DMGDH: variants seen among roughly 807,000 people sequenced by gnomAD.
The protein encoded by DMGDH is dimethylglycine dehydrogenase.
A neutral mutation model predicts 95.2 loss-of-function variants in DMGDH; 76 were observed. That is an observed-to-expected ratio of 0.80 (90% CI 0.66 to 0.97). DMGDH has a LOEUF of 0.97. Ranked by LOEUF, DMGDH falls within the 50% of genes least tolerant of loss-of-function variation. The probability of loss-of-function intolerance (pLI) is 0.00; values close to 1 mark genes in which losing one functional copy is unlikely to be tolerated. For synonymous variants in DMGDH, 345 were observed against 377.6 expected (o/e 0.91, Z 1.00); for missense variants, 987 against 1,055.0 (o/e 0.94, Z 0.89).
intron 2 of DMGDH, among the ~76,000 whole-genome samples, chr5:79,063,011 G>A (rs992543594): frequency 6.6e-6 from 1 of 152,090 alleles, no homozygotes; most frequent in African/African-American, 2.4e-5. Flanking sequence ...AGAATCGCTT[G>A]AACCTGGGAG....
chr5:79,054,465 G>T (rs1302127029), intron 3 of DMGDH, 117 bp from the exon 4 acceptor site: 2 of 1,009,940 alleles, frequency 2.0e-6, no homozygotes, highest in African/African-American at 1.6e-5. Context: ...ACGAGTGAAA[G>T]AAATAACTAT....
At chr5:79,045,797 A>G (rs1754655414) in intron 5 of DMGDH, among the ~76,000 whole-genome samples, 1 of 152,172 alleles carries the variant, frequency 6.6e-6, no homozygotes, top group Non-Finnish European at 1.5e-5. Context: ...TTCTGAATCT[A>G]ATAAGGAGTT....
In DMGDH at chr5:79,055,863, T is replaced by G; in HGVS notation, c.322A>C (p.Ile108Leu). The G allele has an allele frequency of 1.9e-6, 3 of 1,612,752 alleles. No homozygotes were observed. Among genetic ancestry groups the G allele is most frequent in the Non-Finnish European group, 2.5e-6 (3 of 1,178,828 alleles). Residue 108 changes from isoleucine to leucine, a missense_variant, in exon 3 of 16, where the codon ATA becomes CTA. By Grantham distance (5) the Ile-to-Leu change is conservative. Transcript: ENST00000255189. ...TAAAGTTTGATGCTATCATAATGTATTTTCTTCAAGTTTATTCCAGGATGA... is the reference window on the plus strand; with the variant it reads ...TAAAGTTTGATGCTATCATAATGTAGTTTCTTCAAGTTTATTCCAGGATGA... Reference protein sequence around the residue: ...YFHPGINLKKIHYDSIKLYEK... With the variant: ...YFHPGINLKKLHYDSIKLYEK...
In DMGDH at chr5:78,998,237, C is replaced by T. The variant is rs143159411; in HGVS notation, c.2446G>A (p.Ala816Thr). Residue 816 changes from alanine (A) to threonine (T), a missense_variant, in exon 16 of 16, where the codon GCA becomes ACA. By Grantham distance (58) the Ala-to-Thr change is moderately conservative. Transcript: ENST00000255189. ...TCACTTAGTTGTACAGGGACATATG[C>T]GAAAGCCAGACTCTTCTGGATGCTG... ...SYSIQKSLAF[A>T]YVPVQLSEVG... 1.7e-5 allele frequency: 28 copies of T among 1,613,998 alleles called. No individual in the cohort carries two copies. The highest frequency in any genetic ancestry group is 2.1e-5 in the Non-Finnish European group (25 of 1,180,018).
intron 13 of DMGDH, among the ~76,000 whole-genome samples, chr5:79,025,544 A>G (rs1753976312): frequency 6.6e-6 from 1 of 152,184 alleles, no homozygotes; most frequent in African/African-American, 2.4e-5. Flanking sequence ...GACTCTCTCT[A>G]CTATCTATGA....
intron 15 of DMGDH, among the ~76,000 whole-genome samples, chr5:79,004,204 T>C (rs74997358): frequency 0.069 from 10,534 of 152,138 alleles, 389 homozygotes; most frequent in Non-Finnish European, 0.077. Context: ...ATCTGACAGG[T>C]GTGCTGCAAA....
At chr5:79,018,559 ACC>A (rs1342662096) in intron 14 of DMGDH, among the ~76,000 whole-genome samples, 1 of 151,772 alleles carries the variant, frequency 6.6e-6, no homozygotes, top group East Asian at 1.9e-4. Flanking sequence ...GGGCATGGAC[ACC>A]CCGGGGATGA....
rs1173061228 is a variant in DMGDH, at chr5:79,069,482, C to T, written c.101+38G>A. On this transcript the variant is annotated intron_variant, in intron 1 of 15. Coordinates refer to ENST00000255189, the MANE Select transcript of DMGDH (RefSeq NM_013391.3). ...AGCCTCTGGCTCCCACCCCCGCAGC[C>T]GCCCCGTCGCCTCTGAGCAGGACGG... 6 of 1,213,776 alleles carry T rather than the reference C, an allele frequency of 4.9e-6. No homozygotes were observed. The African/African-American group carries it at 6.3e-5, about 13-fold the overall frequency. 75.2% of individuals were successfully genotyped at this position (1,213,776 alleles called of 1,614,324 possible). A position where few individuals can be genotyped will look rare whatever the true frequency, so the allele number is the denominator to read the frequency against.
chr5:79,005,360 C>T lies in DMGDH; in HGVS notation c.2298G>A (p.Lys766=). The T allele has an allele frequency of 6.2e-7, 1 of 1,614,014 alleles. No individual in the cohort carries two copies. The highest frequency in any genetic ancestry group is 8.5e-7 in the Non-Finnish European group (1 of 1,179,994). ...GGCAGACCAGTCTTCGTTTCAGCCC[C>T]TTGGCTTTAATCTGTTTCAGTGCTT... is the stretch of plus-strand genomic sequence containing the variant. The part of the protein sequence containing the change: ...GKQALKQIKA[K]GLKRRLVCLT... Residue 766 remains lysine, a synonymous_variant, in exon 15 of 16, where the codon AAG becomes AAA. Transcript: ENST00000255189.
intron 2 of DMGDH, among the ~76,000 whole-genome samples, chr5:79,060,703 G>A (rs1416709769): frequency 1.3e-5 from 2 of 150,618 alleles, no homozygotes; most frequent in African/African-American, 2.4e-5. Context: ...GGCAGATCAC[G>A]AGGTCAAGAG....
At chr5:79,006,621 C>T (rs1019697282) in intron 14 of DMGDH, among the ~76,000 whole-genome samples, 7 of 152,252 alleles carry the variant, frequency 4.6e-5, no homozygotes, top group African/African-American at 1.7e-4. Flanking sequence ...AAACAGTTCC[C>T]ACAGACAGAC....
intron 11 of DMGDH, 23 bp from the exon 12 acceptor site, chr5:79,028,673 GT>G (rs759869675): frequency 1.2e-6 from 2 of 1,609,268 alleles, no homozygotes; most frequent in Non-Finnish European, 1.7e-6. Flanking sequence ...CATGAACATG[GT>G]GTTAAATATT....
intron 11 of DMGDH, among the ~76,000 whole-genome samples, chr5:79,029,100 C>G (rs77386942): frequency 0.014 from 2,100 of 152,266 alleles, 50 homozygotes; most frequent in African/African-American, 0.048. Context: ...AAGGAAAAGA[C>G]AGAAACTCTA....
At chr5:79,001,624 T>G (rs1395602188) in intron 15 of DMGDH, among the ~76,000 whole-genome samples, 1 of 152,228 alleles carries the variant, frequency 6.6e-6, no homozygotes, top group African/African-American at 2.4e-5. Flanking sequence ...TGTGATCCCC[T>G]GACTCACTGG....
intron 14 of DMGDH, among the ~76,000 whole-genome samples, chr5:79,006,002 C>A (rs1410843751): frequency 6.6e-6 from 1 of 151,728 alleles, no homozygotes; most frequent in South Asian, 2.1e-4. Context: ...ATGAGTTAGA[C>A]ACAGACATTT....
chr5:79,051,471 A>G lies in DMGDH; in HGVS notation c.561T>C (p.Asn187=). ...NMNKVLAGLY[N]PGDGHIDPYS... ...AAGGATCAATGTGACCATCTCCAGG[A>G]TTATACAATCCAGCTAAAACCTAAA... Residue 187 remains asparagine (N), a synonymous_variant, in exon 5 of 16, where the codon AAT becomes AAC. Coordinates refer to ENST00000255189, the MANE Select transcript of DMGDH (RefSeq NM_013391.3). 1 of 1,614,166 alleles carries G rather than the reference A, an allele frequency of 6.2e-7. No individual in the cohort carries two copies. The highest frequency in any genetic ancestry group is 8.5e-7 in the Non-Finnish European group (1 of 1,180,022).
chr5:79,003,937 G>A (rs1052496263), intron 15 of DMGDH, among the ~76,000 whole-genome samples: 18 of 139,736 alleles, frequency 1.3e-4, no homozygotes, highest in African/African-American at 3.4e-4. Context: ...ACAGAGTAAG[G>A]CTCTGTCTCA....
At chr5:79,016,630 A>G (rs1325217353) in intron 14 of DMGDH, among the ~76,000 whole-genome samples, 1 of 152,256 alleles carries the variant, frequency 6.6e-6, no homozygotes, top group Non-Finnish European at 1.5e-5. Context: ...GAATTGTAAT[A>G]CTTGAATTGA....
At chr5:79,014,447 G>C (rs1053615753) in intron 14 of DMGDH, among the ~76,000 whole-genome samples, 1 of 152,168 alleles carries the variant, frequency 6.6e-6, no homozygotes, top group African/African-American at 2.4e-5. Context: ...TCTCTCTAGA[G>C]TAGAGTGAAG....
Sources: gnomAD v4.1 joint callset for allele counts (sites outside exome capture counted in the v4.1 genomes callset) on GRCh38, gnomAD v4.1.1 for gene constraint, MANE v1.5 for transcripts, NCBI Gene and HGNC (gene_info 2026-07-23, HGNC 2026-07-21) for gene names.